The following SAP130 variants were observed in gnomAD, a reference collection of about 807,000 sequenced individuals.
The protein encoded by SAP130 is histone deacetylase complex subunit SAP130.
A neutral mutation model predicts 103.2 loss-of-function variants in SAP130; 16 were observed. The observed-to-expected ratio is 0.16, with a 90% CI of 0.10 to 0.24. The LOEUF (loss-of-function observed/expected upper bound fraction) is 0.24. SAP130 is among the 10% of genes least tolerant of loss of function. The pLI is 1.00. For missense variants in SAP130, 990 were observed against 1,359.7 expected, an observed-to-expected ratio of 0.73 and a Z score of 4.28; for synonymous variants, 477 against 497.0, an observed-to-expected ratio of 0.96 and a Z score of 0.53.
intron 2 of SAP130, among the ~76,000 whole-genome samples, chr2:128,020,011 T>C (rs1685044274): frequency 6.6e-6 from 1 of 152,216 alleles, no homozygotes; most frequent in Non-Finnish European, 1.5e-5. Flanking sequence ...ATAAAGATAA[T>C]ATTTACTTAT....
chr2:127,990,979 G>C (rs1682755928), intron 12 of SAP130, among the ~76,000 whole-genome samples: 1 of 150,780 alleles, frequency 6.6e-6, no homozygotes, highest in Non-Finnish European at 1.5e-5. Flanking sequence ...GGCCAGGCAC[G>C]GTGGCTCACG....
Position 127,986,697 on chromosome 2 carries a change from G to GATACCAGCATTAGAT in SAP130, c.1958+73_1958+87dup. 3.7e-6 allele frequency: 5 copies of GATACCAGCATTAGAT among 1,352,112 alleles called. No homozygotes were observed. Among genetic ancestry groups the GATACCAGCATTAGAT allele is most frequent in the Non-Finnish European group, 5.1e-6 (5 of 974,956 alleles). 83.8% of individuals were successfully genotyped at this position (1,352,112 alleles called of 1,614,324 possible). The stretch of plus-strand genomic sequence containing the variant: ...ACCACAGAAAATGAGAGATGAGTTT[G>GATACCAGCATTAGAT]ATACCAGCATTAGATAAGAGTGCCT... On this transcript the variant is annotated intron_variant, in intron 14 of 20. Coordinates refer to ENST00000643581, the MANE Select transcript of SAP130 (RefSeq NM_001330301.2). This position sits in a 1 kb window ranked among gnomAD's most constrained non-coding sequence, Gnocchi z 4.7.
At chr2:127,975,529 T>C (rs548874764) in intron 15 of SAP130, among the ~76,000 whole-genome samples, 1 of 152,282 alleles carries the variant, frequency 6.6e-6, no homozygotes, top group Admixed American at 6.5e-5. Context: ...ATGGCAGAAA[T>C]AGTTTATTTC....
Position 127,941,692 on chromosome 2 carries a change from CGGAA to C in SAP130, c.*310_*313del. ...CACTAGATAAATACAGTCTATAAACCGGAAGGCTGAAAAACACCAGCCAGCCATC... is the reference window on the plus strand; with the variant it reads ...CACTAGATAAATACAGTCTATAAACCGGCTGAAAAACACCAGCCAGCCATC... On this transcript the variant is annotated 3_prime_UTR_variant, in exon 21 of 21. Coordinates refer to ENST00000643581, the MANE Select transcript of SAP130 (RefSeq NM_001330301.2). The C allele has an allele frequency of 2.8e-6, 1 of 353,848 alleles. No homozygotes were observed. The allele number at this position is 353,848 out of a possible 1,614,324, so 21.9% of individuals were successfully genotyped here.
chr2:128,015,166 C>T (rs539841097), intron 4 of SAP130, among the ~76,000 whole-genome samples: 3 of 152,192 alleles, frequency 2.0e-5, no homozygotes, highest in Non-Finnish European at 2.9e-5. Context: ...TAATATACTT[C>T]GATATCTACG....
chr2:127,968,590 T>C (rs1040282323), intron 15 of SAP130, among the ~76,000 whole-genome samples: 1 of 151,850 alleles, frequency 6.6e-6, no homozygotes, highest in Non-Finnish European at 1.5e-5. Context: ...TGGTACGATC[T>C]TGGCTCACTG....
intron 14 of SAP130, among the ~76,000 whole-genome samples, chr2:127,983,130 C>T (rs569477256): frequency 6.6e-6 from 1 of 152,294 alleles, no homozygotes; most frequent in East Asian, 1.9e-4. Context: ...ACATCATGTC[C>T]TTCCAAAAGG....
chr2:128,026,565 T>C (rs1215125829), intron 1 of SAP130, among the ~76,000 whole-genome samples: 4 of 152,210 alleles, frequency 2.6e-5, no homozygotes, highest in East Asian at 3.8e-4. Context: ...AAAATCACCA[T>C]TGAATCCTGT....
At chr2:128,008,341 T>C (rs944860301) in intron 7 of SAP130, among the ~76,000 whole-genome samples, 3 of 152,100 alleles carry the variant, frequency 2.0e-5, no homozygotes, top group African/African-American at 7.2e-5. Context: ...CCACACTTTA[T>C]CCCTGTATGG....
chr2:127,965,636 A>G (rs1027977764), intron 15 of SAP130, among the ~76,000 whole-genome samples: 1 of 151,986 alleles, frequency 6.6e-6, no homozygotes, highest in Non-Finnish European at 1.5e-5. Context: ...CTAAAAATAC[A>G]AAAATTAGCT....
chr2:127,943,992 A>G (rs1338296829), intron 19 of SAP130, among the ~76,000 whole-genome samples: 1 of 152,208 alleles, frequency 6.6e-6, no homozygotes, highest in Non-Finnish European at 1.5e-5. Flanking sequence ...GGGCGGTTAC[A>G]AAAAATATTT....
chr2:127,945,363 CAG>C, intron 19 of SAP130, 91 bp downstream of exon 19: 1 of 743,986 alleles, frequency 1.3e-6, no homozygotes, highest in Non-Finnish European at 2.4e-6. Flanking sequence ...GGGAATGCTT[CAG>C]AGTTACTTTT....
chr2:127,960,168 G>GT (rs1680139441), intron 15 of SAP130, among the ~76,000 whole-genome samples: 1 of 152,204 alleles, frequency 6.6e-6, no homozygotes, highest in Admixed American at 6.5e-5. Context: ...GATATGCCAA[G>GT]TATCAAAAAC....
At chr2:127,957,341 G>GA (rs972498850) in intron 15 of SAP130, among the ~76,000 whole-genome samples, 1 of 152,008 alleles carries the variant, frequency 6.6e-6, no homozygotes, top group Non-Finnish European at 1.5e-5. Flanking sequence ...GGAAAAAAAA[G>GA]AAAAAACACT....
chr2:127,968,055 A>G (rs1220374310), intron 15 of SAP130, among the ~76,000 whole-genome samples: 1 of 152,160 alleles, frequency 6.6e-6, no homozygotes, highest in South Asian at 2.1e-4. Flanking sequence ...GAACATATGC[A>G]GAACACTTCC....
At chr2:128,020,188 G>A (rs1415492121) in intron 2 of SAP130, among the ~76,000 whole-genome samples, 1 of 151,984 alleles carries the variant, frequency 6.6e-6, no homozygotes, top group Non-Finnish European at 1.5e-5. Flanking sequence ...TTTTCATAAA[G>A]ATAAGTGCAC....
intron 1 of SAP130, chr2:128,027,052 C>G: frequency 7.2e-7 from 1 of 1,395,430 alleles, no homozygotes; most frequent in East Asian, 2.8e-5. Context: ...GACGGGCGAT[C>G]TGGGGACCCG....
At chr2:128,016,672 A>C (rs916481295) in intron 3 of SAP130, 125 bp from the exon 4 acceptor site, 9 of 969,078 alleles carry the variant, frequency 9.3e-6, no homozygotes, top group Non-Finnish European at 1.3e-5. Context: ...AGCTTTATAC[A>C]TTTTATCTAT....
At chr2:128,027,435 G>C in intron 1 of SAP130, 1 of 1,114,754 alleles carries the variant, frequency 9.0e-7, no homozygotes. Context: ...CCAATCAGGC[G>C]CGAGCCTGGC....
Sources: gnomAD v4.1 joint callset for allele counts (sites outside exome capture counted in the v4.1 genomes callset) on GRCh38, gnomAD v4.1.1 for gene constraint, Gnocchi (gnomAD v3.1) non-coding constraint, MANE v1.5 for transcripts, NCBI Gene and HGNC (gene_info 2026-07-23, HGNC 2026-07-21) for gene names.